The following ARHGEF3 variants were observed in gnomAD, a reference collection of about 807,000 sequenced individuals.
The protein encoded by ARHGEF3 is 59.8 kDA protein.
ARHGEF3 carries 28 observed loss-of-function variants against 63.2 expected under a neutral mutation model. The ratio of observed to expected loss-of-function variants is 0.44; its 90% confidence interval spans 0.33 to 0.61. The LOEUF is 0.61. ARHGEF3 is among the 20% of genes least tolerant of loss of function. The pLI is 0.03. For missense variants in ARHGEF3, 533 were observed against 659.3 expected, an observed-to-expected ratio of 0.81 and a Z score of 2.10; for synonymous variants, 266 against 254.2, an observed-to-expected ratio of 1.05 and a Z score of -0.44.
At chr3:56,742,966 A>G (rs1158927360) in intron 7 of ARHGEF3, among the ~76,000 whole-genome samples, 2 of 152,236 alleles carry the variant, frequency 1.3e-5, no homozygotes, top group Non-Finnish European at 2.9e-5. Context: ...ATTAAAAAGA[A>G]ATCTTTACAG....
At position 56,901,429 on chromosome 3, in the gene ARHGEF3, CATATATATACATACTGTATAT is replaced by C. The variant is rs942142170; in HGVS notation, c.130-19096_130-19076del. 7.5e-5 allele frequency among the ~76,000 whole-genome samples: 11 copies of C among 146,426 alleles called. No homozygotes were observed. The South Asian group carries it at 8.4e-4, about 11-fold the overall frequency. On this transcript the variant is annotated intron_variant, in intron 3 of 12. Coordinates refer to the ARHGEF3 transcript ENST00000338458. Reference sequence around the variant, plus strand: ...ATATGAGTATGTATACGTATATGTACATATATATACATACTGTATATATATATATACAGTTGACTCTCATTA... The same window carrying C: ...ATATGAGTATGTATACGTATATGTACATATATATACAGTTGACTCTCATTA...
At chr3:57,038,811 T>C (rs1271014551) in intron 1 of ARHGEF3, among the ~76,000 whole-genome samples, 2 of 152,288 alleles carry the variant, frequency 1.3e-5, no homozygotes, top group African/African-American at 4.8e-5. Context: ...GGTGGTAAGT[T>C]CAGGGCTCTC....
intron 4 of ARHGEF3, among the ~76,000 whole-genome samples, chr3:56,813,041 A>G (rs1199580060): frequency 1.3e-5 from 2 of 152,210 alleles, no homozygotes; most frequent in African/African-American, 4.8e-5. Context: ...AGGCTCAGAA[A>G]AACCAAATGC....
chr3:56,794,488 C>CAAAAAAAAAAAAAAAAA (rs10557985), intron 1 of ARHGEF3, among the ~76,000 whole-genome samples: 10 of 116,914 alleles, frequency 8.6e-5, no homozygotes, highest in African/African-American at 2.9e-4. Context: ...GACTCTATCT[C>CAAAAAAAAAAAAAAAAA]AAAAAAAAAA....
chr3:57,039,033 C>A (rs536205241), intron 1 of ARHGEF3, among the ~76,000 whole-genome samples: 1 of 152,160 alleles, frequency 6.6e-6, no homozygotes, highest in African/African-American at 2.4e-5. Context: ...ATGAGATAAG[C>A]GCTGTTCTGA....
At chr3:57,075,901 C>T (rs1184554824) in intron 1 of ARHGEF3, among the ~76,000 whole-genome samples, 6 of 152,174 alleles carry the variant, frequency 3.9e-5, no homozygotes, top group Non-Finnish European at 7.3e-5. Flanking sequence ...AAGCTTGTCA[C>T]CAAACCTCTC....
intron 1 of ARHGEF3, among the ~76,000 whole-genome samples, chr3:57,042,569 G>C (rs980229518): frequency 1.4e-5 from 2 of 146,934 alleles, no homozygotes; most frequent in African/African-American, 5.0e-5. Flanking sequence ...AGAAAATGCG[G>C]CAAATCATGG....
chr3:56,926,133 T>C (rs1444997595), intron 3 of ARHGEF3, among the ~76,000 whole-genome samples: 1 of 152,172 alleles, frequency 6.6e-6, no homozygotes, highest in Non-Finnish European at 1.5e-5. Context: ...GGGACCATTC[T>C]CAGGGTCTCC....
intron 3 of ARHGEF3, among the ~76,000 whole-genome samples, chr3:56,754,375 G>T (rs1391189316): frequency 6.6e-6 from 1 of 152,194 alleles, no homozygotes; most frequent in Non-Finnish European, 1.5e-5. Flanking sequence ...CAGTGGTCAG[G>T]CTTTGAAAGC....
chr3:57,025,580 C>T (rs1328502107), intron 2 of ARHGEF3, among the ~76,000 whole-genome samples: 1 of 152,090 alleles, frequency 6.6e-6, no homozygotes, highest in African/African-American at 2.4e-5. Context: ...GAGCTTTTTC[C>T]CCTCAGAAAC....
intron 1 of ARHGEF3, among the ~76,000 whole-genome samples, chr3:57,062,372 G>C (rs1705269437): frequency 6.6e-6 from 1 of 152,190 alleles, no homozygotes; most frequent in Non-Finnish European, 1.5e-5. Context: ...GGCTACCACA[G>C]CCGAGGGGAG....
chr3:56,747,062 CACAGAG>C (rs1189438453), intron 6 of ARHGEF3, among the ~76,000 whole-genome samples: 8 of 125,884 alleles, frequency 6.4e-5, no homozygotes, highest in Admixed American at 3.4e-4. Context: ...CGCACACACA[CACAGAG>C]AGAGAGAGAG....
chr3:56,918,838 T>G (rs1370409104), intron 3 of ARHGEF3, among the ~76,000 whole-genome samples: 1 of 152,226 alleles, frequency 6.6e-6, no homozygotes, highest in Non-Finnish European at 1.5e-5. Context: ...GTTTTTACAT[T>G]TTAATAGTAA....
At chr3:56,996,833 C>A (rs1302072619) in intron 2 of ARHGEF3, among the ~76,000 whole-genome samples, 12 of 151,456 alleles carry the variant, frequency 7.9e-5, no homozygotes, top group African/African-American at 2.9e-4. Flanking sequence ...CAGCTTTGAA[C>A]GTGGCCCAAC....
chr3:56,802,279 C>A (rs934002686), upstream of ARHGEF3, among the ~76,000 whole-genome samples: 2 of 151,964 alleles, frequency 1.3e-5, no homozygotes, highest in Admixed American at 1.3e-4. Context: ...AACCGGGCAA[C>A]GGGGAGAAAG....
rs147941527 is a variant in ARHGEF3 at position 56,933,956 on chromosome 3, A to T, written c.129+24867T>A. On this transcript the variant is annotated intron_variant, in intron 3 of 12. Transcript: ENST00000338458. The stretch of plus-strand genomic sequence containing the variant: ...AGATCTGATGGTTTTATTAGTGTTT[A>T]ACAGTTCTTCCTTCACACACTTGCT... Among the ~76,000 whole-genome samples the T allele has an allele frequency of 1.8e-3, 269 of 152,262 alleles. 1 individual carries two copies. Among genetic ancestry groups the T allele is most frequent in the Non-Finnish European group, 3.2e-3 (215 of 67,996 alleles).
chr3:56,825,686 C>T (rs1040760104), intron 4 of ARHGEF3, among the ~76,000 whole-genome samples: 1 of 152,184 alleles, frequency 6.6e-6, no homozygotes, highest in African/African-American at 2.4e-5. Flanking sequence ...TCCATCTACT[C>T]TATTCAAGAC....
Position 56,755,082 on chromosome 3 carries a change from C to A in ARHGEF3, c.274G>T (p.Ala92Ser). ...LAPRPWSRNA[A>S]PSSTKRRDSK... ...TCTCTCCGTTTCGTGCTCGAGGGGGCGGCATTTCTGGACCAGGGTCGGGGG... is the reference window on the plus strand; with the variant it reads ...TCTCTCCGTTTCGTGCTCGAGGGGGAGGCATTTCTGGACCAGGGTCGGGGG... The change falls in exon 3 of 10, where the codon GCC (alanine) becomes TCC (serine). Residue 92 changes from alanine to serine, a missense_variant. By Grantham distance (99) the Ala-to-Ser change is moderately conservative. Around this residue, in one of 4 missense-constraint regions of ARHGEF3, gnomAD observed 160 missense variants for 157.3 expected, o/e 1.02. Coordinates refer to ENST00000296315, the MANE Select transcript of ARHGEF3 (RefSeq NM_019555.3). 1.2e-6 allele frequency: 2 copies of A among 1,613,974 alleles called. No homozygotes were observed. Among genetic ancestry groups the A allele is most frequent in the Non-Finnish European group, 1.7e-6 (2 of 1,179,984 alleles).
intron 2 of ARHGEF3, among the ~76,000 whole-genome samples, chr3:57,014,227 G>A (rs192051942): frequency 3.9e-5 from 6 of 152,298 alleles, no homozygotes; most frequent in South Asian, 4.1e-4. Flanking sequence ...CTGAATATCC[G>A]AAGGAACAAA....
Sources: gnomAD v4.1 joint callset for allele counts (sites outside exome capture counted in the v4.1 genomes callset) on GRCh38, gnomAD v4.1.1 for gene constraint, gnomAD v4.1.1 regional missense constraint, MANE v1.5 for transcripts, NCBI Gene and HGNC (gene_info 2026-07-23, HGNC 2026-07-21) for gene names.